Variants in INTS3 observed in about 807,000 individuals in gnomAD.
INTS3 encodes SOSS complex subunit A.
Under a neutral mutation model 146.3 loss-of-function variants are expected in INTS3, and 34 were observed. The observed-to-expected ratio is 0.23, with a 90% CI of 0.18 to 0.31. INTS3 has a LOEUF of 0.31. Among genes scored for constraint, INTS3 ranks in the 10% least tolerant of loss-of-function variants. INTS3 has a pLI of 1.00. For missense variants in INTS3, 757 were observed against 1,304.2 expected, an observed-to-expected ratio of 0.58 and a Z score of 6.46; for synonymous variants, 475 against 494.9, an observed-to-expected ratio of 0.96 and a Z score of 0.53.
chr1:153,761,908 C>G (rs918868033), intron 14 of INTS3, among the ~76,000 whole-genome samples: 1 of 152,224 alleles, frequency 6.6e-6, no homozygotes, highest in Non-Finnish European at 1.5e-5. Flanking sequence ...GTTCTCTTAA[C>G]TCTTTTCTCC....
intron 4 of INTS3, 43 bp from the exon 5 acceptor site, chr1:153,747,236 T>G: frequency 6.4e-7 from 1 of 1,559,004 alleles, no homozygotes; most frequent in Non-Finnish European, 8.9e-7. Flanking sequence ...CTTCTCAAAC[T>G]CACAGTTCCT....
At chr1:153,735,705 C>T (rs912573984) in intron 1 of INTS3, among the ~76,000 whole-genome samples, 2 of 152,070 alleles carry the variant, frequency 1.3e-5, no homozygotes, top group African/African-American at 2.4e-5. Context: ...TTCCCCAGTC[C>T]GTGATAATTG....
In INTS3 at chr1:153,761,584, T is replaced by G; in HGVS notation, c.1424T>G (p.Leu475Arg). Residue 475 changes from leucine (L) to arginine (R), a missense_variant, in exon 14 of 30, where the codon CTG becomes CGG. This residue lies in a region of INTS3 where 97 missense variants were observed against 113.6 expected (regional missense o/e 0.85). Coordinates refer to ENST00000318967, the MANE Select transcript of INTS3 (RefSeq NM_023015.5). ...TCCCCATTTAGACACCTAGCTCCCC[T>G]GTTTGACAACCCTAAGTTGGATAAG... ...EKRVLAHLAP[L>R]FDNPKLDKEL... is the part of the protein sequence containing the mutation. 6.2e-7 allele frequency: 1 copy of G among 1,613,598 alleles called. No homozygotes were observed. The highest frequency in any genetic ancestry group is 8.5e-7 in the Non-Finnish European group (1 of 1,179,486).
intron 3 of INTS3, among the ~76,000 whole-genome samples, chr1:153,746,658 C>T (rs1014195962): frequency 6.6e-6 from 1 of 151,688 alleles, no homozygotes; most frequent in Non-Finnish European, 1.5e-5. Flanking sequence ...GCCTTGGCCT[C>T]CCAAAGTGCT....
Position 153,760,883 on chromosome 1 carries a change from C to G in INTS3, c.1374C>G (p.Ser458=). The change falls in exon 13 of 30, where the codon TCC becomes TCG. Residue 458 remains serine (S), a synonymous_variant. Coordinates refer to ENST00000318967, the MANE Select transcript of INTS3 (RefSeq NM_023015.5). The stretch of plus-strand genomic sequence containing the variant: ...GCCACGTGCGGCAGGGTGTCTTTTC[C>G]TCCCTCAACCACATTGTGGAGAAAC... ...LEGHVRQGVF[S]SLNHIVEKRV... 6.2e-7 allele frequency: 1 copy of G among 1,614,144 alleles called. No individual in the cohort carries two copies. The highest frequency in any genetic ancestry group is 8.5e-7 in the Non-Finnish European group (1 of 1,179,992).
intron 22 of INTS3, 41 bp from the exon 23 acceptor site, chr1:153,769,728 T>C (rs920693893): frequency 8.5e-6 from 12 of 1,413,526 alleles, no homozygotes; most frequent in African/African-American, 8.5e-5. Flanking sequence ...CTGGCCCCTT[T>C]CAGAGCTGAT....
chr1:153,764,761 G>C (rs1339026423), intron 19 of INTS3, 27 bp downstream of exon 19: 1 of 1,585,642 alleles, frequency 6.3e-7, no homozygotes, highest in Admixed American at 1.7e-5. Flanking sequence ...AGGAGATACT[G>C]TTCTACCCTC....
At chr1:153,740,603 C>T in intron 1 of INTS3, 48 bp from the exon 2 acceptor site, 1 of 1,398,144 alleles carries the variant, frequency 7.2e-7, no homozygotes, top group Non-Finnish European at 1.0e-6. Context: ...GAAGTACTTC[C>T]TAAGTGGTGT....
rs1360449877 is a variant in INTS3, at chr1:153,772,272, G to C, written c.2721-68G>C. On this transcript the variant is annotated intron_variant, in intron 26 of 29. Transcript: ENST00000318967. This position sits in a 1 kb window ranked among gnomAD's most constrained non-coding sequence, Gnocchi z 4.6. ...CCTCTGTCTTAAGGGGGCCCTGGCG[G>C]GTGGAGGGTGTCTCGCACTCTGGAA... 1 of 1,547,312 alleles carries C rather than the reference G, an allele frequency of 6.5e-7. No individual in the cohort carries two copies. The highest frequency in any genetic ancestry group is 1.4e-5 in the African/African-American group (1 of 73,686).
intron 14 of INTS3, among the ~76,000 whole-genome samples, chr1:153,761,888 C>T (rs1055296437): frequency 2.5e-4 from 38 of 152,216 alleles, no homozygotes; most frequent in Admixed American, 2.0e-4. Flanking sequence ...TTGACTTGCT[C>T]ATCTTTCTTG....
chr1:153,764,913 C>G (rs371168471), intron 19 of INTS3, 31 bp from the exon 20 acceptor site: 5 of 1,613,914 alleles, frequency 3.1e-6, no homozygotes, highest in South Asian at 1.1e-5. Context: ...GGGTAAAGTT[C>G]TGTTCCTCTC....
rs10547913 is a variant in INTS3 at position 153,745,083 on chromosome 1, C to CAT, written c.319-1863_319-1862dup. Among the ~76,000 whole-genome samples, 1,304 of 150,512 alleles carry CAT rather than the reference C, an allele frequency of 8.7e-3. 13 individuals carry two copies. The highest frequency in any genetic ancestry group is 0.029 in the African/African-American group (1,186 of 40,870). On this transcript the variant is annotated intron_variant, in intron 3 of 29. Transcript: ENST00000318967. The stretch of plus-strand genomic sequence containing the variant: ...TGTATATCAAATGCAGTAATATATA[C>CAT]ATATATATATATTATTGTTGTTGAT...
In INTS3 at chr1:153,771,832, G is replaced by A. The variant is rs2101833222; in HGVS notation, c.2589G>A (p.Arg863=). 2 of 1,613,914 alleles carry A rather than the reference G, an allele frequency of 1.2e-6. No individual in the cohort carries two copies. The highest frequency in any genetic ancestry group is 1.7e-6 in the Non-Finnish European group (2 of 1,179,928). Residue 863 remains arginine (R), a synonymous_variant, in exon 26 of 30, where the codon CGG becomes CGA. Transcript: ENST00000318967. Reference sequence around the variant, plus strand: ...AGATGGTGAAGATGGTGCTGAGCCGGCCCTGCCATCCTGACGACCAGTTCA... The same window carrying A: ...AGATGGTGAAGATGGTGCTGAGCCGACCCTGCCATCCTGACGACCAGTTCA... ...SEEMVKMVLS[R]PCHPDDQFTT...
chr1:153,746,421 G>C (rs139739599), intron 3 of INTS3, among the ~76,000 whole-genome samples: 1 of 149,504 alleles, frequency 6.7e-6, no homozygotes, highest in Non-Finnish European at 1.5e-5. Context: ...ACAGAGTTTC[G>C]CTCCGTCGCC....
intron 6 of INTS3, among the ~76,000 whole-genome samples, 166 bp downstream of exon 6, chr1:153,748,921 T>C (rs1029753041): frequency 2.0e-5 from 3 of 152,152 alleles, no homozygotes; most frequent in Non-Finnish European, 4.4e-5. Context: ...GTGAAGAAAT[T>C]AATGCCCAAG....
At position 153,773,021 on chromosome 1, in the gene INTS3, T is replaced by C; in HGVS notation, c.2991T>C (p.Ser997=). The change falls in exon 29 of 30, where the codon AGT becomes AGC. Residue 997 remains serine, a synonymous_variant. Transcript: ENST00000318967. ...AAGCAGCTCTGTCCAGCCCTCGAAG[T>C]CGAAAGAATGCCACACAGCCCCCCA... ...RRKAALSSPR[S]RKNATQPPNA... 1 of 1,613,924 alleles carries C rather than the reference T, an allele frequency of 6.2e-7. No homozygotes were observed. The highest frequency in any genetic ancestry group is 8.5e-7 in the Non-Finnish European group (1 of 1,179,990).
rs1168014297 is a variant in INTS3, at chr1:153,773,676, C to G, written c.*406C>G. ...AGATAAGCTAGGATGAGAGCAGAGA[C>G]TCAGTGTGTGGGTGTCCCTTCCTGC... On this transcript the variant is annotated 3_prime_UTR_variant, in exon 30 of 30. Transcript: ENST00000318967. 3 of 262,036 alleles carry G rather than the reference C, an allele frequency of 1.1e-5. No homozygotes were observed. In the Admixed American group the frequency reaches 1.5e-4, roughly 13 times the overall value. 16.2% of individuals were successfully genotyped at this position (262,036 alleles called of 1,614,324 possible).
rs990597720 is a variant in INTS3, at chr1:153,750,957, C to CA, written c.585-132dup. On this transcript the variant is annotated intron_variant, in intron 6 of 29. Transcript: ENST00000318967. ...ATAGATACTAGCATGAGTGAGCAAG[C>CA]AAAAAATCAAAGCATCTACTCCCAG... is the stretch of plus-strand genomic sequence containing the variant. The CA allele has an allele frequency of 6.1e-6, 5 of 824,502 alleles. No individual in the cohort carries two copies. The South Asian group carries it at 7.7e-5, about 13-fold the overall frequency. 51.1% of individuals were successfully genotyped at this position (824,502 alleles called of 1,614,324 possible). A position where few individuals can be genotyped will look rare whatever the true frequency, so the allele number is the denominator to read the frequency against.
At chr1:153,760,695 A>G (rs896261380) in intron 12 of INTS3, 132 bp from the exon 13 acceptor site, 1 of 762,744 alleles carries the variant, frequency 1.3e-6, no homozygotes, top group African/African-American at 1.7e-5. Flanking sequence ...GTGGTCAGGA[A>G]GTCCAGTTCT....
Sources: gnomAD v4.1 joint callset for allele counts (sites outside exome capture counted in the v4.1 genomes callset) on GRCh38, gnomAD v4.1.1 for gene constraint, gnomAD v4.1.1 regional missense constraint, Gnocchi (gnomAD v3.1) non-coding constraint, MANE v1.5 for transcripts, NCBI Gene and HGNC (gene_info 2026-07-23, HGNC 2026-07-21) for gene names.